The following ANGEL1 variants were observed in gnomAD, a reference collection of about 807,000 sequenced individuals.
ANGEL1 encodes the protein angel homolog 1, also known as RNA 2',3'-cyclic phosphatase ANGEL1.
In ANGEL1, 62 loss-of-function variants were observed where a neutral mutation model predicts 76.4. The ratio of observed to expected loss-of-function variants is 0.81; its 90% CI spans 0.66 to 1.00. The LOEUF is 1.00. Among genes scored for constraint, ANGEL1 ranks in the 50% least tolerant of loss-of-function variants. The pLI is 0.00. For synonymous variants in ANGEL1, 340 were observed against 331.7 expected, an observed-to-expected ratio of 1.03 and a Z score of -0.27; for missense variants, 737 against 836.7, an observed-to-expected ratio of 0.88 and a Z score of 1.47.
At chr14:76,800,157 T>C (rs1406423130) in intron 7 of ANGEL1, among the ~76,000 whole-genome samples, 1 of 152,240 alleles carries the variant, frequency 6.6e-6, no homozygotes, top group Non-Finnish European at 1.5e-5. Flanking sequence ...CTTGGTTTAA[T>C]TTTGTTACTA....
chr14:76,812,720 G>C lies in ANGEL1; in HGVS notation c.64+44C>G, dbSNP rs1369991360. 22 of 1,486,148 alleles carry C rather than the reference G, an allele frequency of 1.5e-5. No homozygotes were observed. The African/African-American group carries it at 2.3e-4, about 16-fold the overall frequency. 92.1% of individuals were successfully genotyped at this position (1,486,148 alleles called of 1,614,324 possible). ...CAGGCCCGCGGAGCCCCGCAGAGGC[G>C]AGCCCTGGCCGGGCTCCTGTCTGTC... On this transcript the variant is annotated intron_variant, in intron 1 of 9. Transcript: ENST00000251089.
In ANGEL1 at chr14:76,789,360, G is replaced by T. The variant is rs763498682; in HGVS notation, c.1881C>A (p.Leu627=). 1.7e-5 allele frequency: 27 copies of T among 1,614,094 alleles called. No homozygotes were observed. The South Asian group carries it at 2.6e-4, about 16-fold the overall frequency. The change falls in exon 10 of 10, where the codon CTC becomes CTA. Residue 627 remains leucine (L), a synonymous_variant. Coordinates refer to ENST00000251089, the MANE Select transcript of ANGEL1 (RefSeq NM_015305.4). Reference sequence around the variant, plus strand: ...GAAGGGAGAGACGACCCAGGAGCTTGAGAGTTCCATCTCGATACAGCCTGT... The same window carrying T: ...GAAGGGAGAGACGACCCAGGAGCTTTAGAGTTCCATCTCGATACAGCCTGT... ...TDHRLYRDGT[L]KLLGRLSLLS...
chr14:76,797,239 CT>C (rs1273269155), intron 7 of ANGEL1, among the ~76,000 whole-genome samples: 1 of 152,192 alleles, frequency 6.6e-6, no homozygotes, highest in Non-Finnish European at 1.5e-5. Flanking sequence ...CTTTCCTGCT[CT>C]TTATGATGTT....
At chr14:76,791,178 G>C in intron 8 of ANGEL1, 119 bp downstream of exon 8, 2 of 1,119,514 alleles carry the variant, frequency 1.8e-6, no homozygotes, top group Non-Finnish European at 2.7e-6. Context: ...GATATTAGGG[G>C]AAAAAGAGCT....
chr14:76,811,069 T>C (rs1895068762), intron 1 of ANGEL1, among the ~76,000 whole-genome samples: 1 of 152,222 alleles, frequency 6.6e-6, no homozygotes. Context: ...CACGGTGATT[T>C]TGCCCTCGGA....
rs1254669850 is a variant in ANGEL1, at chr14:76,804,353, G to A, written c.1381-441C>T. The A allele has an allele frequency of 1.0e-5, 11 of 1,057,014 alleles. No individual in the cohort carries two copies. The Admixed American group carries it at 4.7e-4, about 45-fold the overall frequency. 65.5% of individuals were successfully genotyped at this position (1,057,014 alleles called of 1,614,324 possible). ...GGTAACCACAGGGTCAAACCAAATG[G>A]GAAAGCACCAAAGCACTTTACCGTA... On this transcript the variant is annotated intron_variant, in intron 5 of 9. Coordinates refer to ENST00000251089, the MANE Select transcript of ANGEL1 (RefSeq NM_015305.4).
intron 1 of ANGEL1, among the ~76,000 whole-genome samples, chr14:76,810,569 C>T (rs1461923262): frequency 6.6e-6 from 1 of 152,192 alleles, no homozygotes. Context: ...AGTAGACAGT[C>T]TCAAAAATCT....
rs1895016861 is a variant in ANGEL1 at position 76,809,362 on chromosome 14, C to A, written c.346G>T (p.Asp116Tyr). 1 of 1,614,140 alleles carries A rather than the reference C, an allele frequency of 6.2e-7. No homozygotes were observed. Among genetic ancestry groups the A allele is most frequent in the African/African-American group, 1.3e-5 (1 of 74,948 alleles). ...EDRWSSRQLS[D>Y]LRAAENLDEP... is the part of the protein sequence containing the mutation. ...TCCAGGTTCTCTGCAGCCCGAAGGT[C>A]ACTCAGCTGCCTGCTGGACCACCTG... The change falls in exon 2 of 10, where the codon GAC becomes TAC. Residue 116 changes from aspartate (D) to tyrosine (Y), a missense_variant. Asp to Tyr is a radical substitution (Grantham distance 160). This residue lies in a region of ANGEL1 where 441 missense variants were observed against 449.5 expected (regional missense o/e 0.98). Coordinates refer to ENST00000251089, the MANE Select transcript of ANGEL1 (RefSeq NM_015305.4).
rs148831584 is a variant in ANGEL1 at position 76,805,225 on chromosome 14, T to C, written c.1380+1191A>G. Among the ~76,000 whole-genome samples the C allele has an allele frequency of 1.1e-4, 17 of 152,102 alleles. No homozygotes were observed. In the East Asian group the frequency reaches 3.1e-3, roughly 28 times the overall value. ...TCCCCCATCGTATAGATGAGGCAAA[T>C]GGGGTTCAAAAAAGTTAAGTAATTT... On this transcript the variant is annotated intron_variant, in intron 5 of 9. Coordinates refer to ENST00000251089, the MANE Select transcript of ANGEL1 (RefSeq NM_015305.4).
At chr14:76,794,219 C>A (rs928525764) in intron 7 of ANGEL1, among the ~76,000 whole-genome samples, 5 of 152,064 alleles carry the variant, frequency 3.3e-5, no homozygotes, top group African/African-American at 1.2e-4. Flanking sequence ...GTGATGGTCA[C>A]ACAACCCGGA....
At chr14:76,806,090 C>CT (rs772295865) in intron 5 of ANGEL1, among the ~76,000 whole-genome samples, 2 of 152,106 alleles carry the variant, frequency 1.3e-5, no homozygotes, top group Non-Finnish European at 2.9e-5. Flanking sequence ...TTATGTTACT[C>CT]TAAGAGAATA....
At chr14:76,804,667 T>C (rs1268875299) in intron 5 of ANGEL1, among the ~76,000 whole-genome samples, 2 of 152,226 alleles carry the variant, frequency 1.3e-5, no homozygotes, top group African/African-American at 4.8e-5. Context: ...AATAGCTGTG[T>C]GACTTTTGGC....
At chr14:76,812,405 T>C (rs1384666797) in intron 1 of ANGEL1, 15 of 1,094,712 alleles carry the variant, frequency 1.4e-5, no homozygotes, top group African/African-American at 8.2e-5. Context: ...TCCGAGCTAC[T>C]ACCCCTTCCC....
chr14:76,799,249 A>G (rs560846275), intron 7 of ANGEL1, among the ~76,000 whole-genome samples: 1 of 142,238 alleles, frequency 7.0e-6, no homozygotes, highest in South Asian at 2.3e-4. Flanking sequence ...TCACACACTA[A>G]GATCTCGTTG....
rs1188314282 is a variant in ANGEL1, at chr14:76,789,104, A to G, written c.*124T>C. ...GTCTAACCGTGGGAAAAAGGGAACGAGGAGGGGGAAGGGAGGGGATGTAAG... is the reference window on the plus strand; with the variant it reads ...GTCTAACCGTGGGAAAAAGGGAACGGGGAGGGGGAAGGGAGGGGATGTAAG... On this transcript the variant is annotated 3_prime_UTR_variant, in exon 10 of 10. Coordinates refer to ENST00000251089, the MANE Select transcript of ANGEL1 (RefSeq NM_015305.4). 7.8e-7 allele frequency: 1 copy of G among 1,284,036 alleles called. No individual in the cohort carries two copies. Among genetic ancestry groups the G allele is most frequent in the Non-Finnish European group, 1.1e-6 (1 of 927,588 alleles). The allele number at this position is 1,284,036 out of a possible 1,614,324, so 79.5% of individuals were successfully genotyped here.
Position 76,790,620 on chromosome 14 carries a change from T to C in ANGEL1, c.1843A>G (p.Asn615Asp), listed in dbSNP as rs1255063639. 2 of 1,613,308 alleles carry C rather than the reference T, an allele frequency of 1.2e-6. No homozygotes were observed. The highest frequency in any genetic ancestry group is 1.3e-5 in the African/African-American group (1 of 74,894). Residue 615 changes from asparagine (N) to aspartate (D), a missense_variant, in exon 9 of 10, where the codon AAC becomes GAC. Coordinates refer to ENST00000251089, the MANE Select transcript of ANGEL1 (RefSeq NM_015305.4). ...GATCCATCAGGCTTACCAGTTCTGT[T>C]CCCATTCTCACAGGACTCAGCTGAG... ...FFSAESCENG[N>D]RTDHRLYRDG... is the part of the protein sequence containing the mutation.
intron 7 of ANGEL1, among the ~76,000 whole-genome samples, chr14:76,797,527 G>A (rs530488803): frequency 6.6e-6 from 1 of 152,252 alleles, no homozygotes; most frequent in Non-Finnish European, 1.5e-5. Flanking sequence ...TTGAACCCAG[G>A]AGACAGAGAT....
intron 7 of ANGEL1, among the ~76,000 whole-genome samples, chr14:76,795,684 A>G (rs374406635): frequency 8.6e-4 from 131 of 152,332 alleles, no homozygotes; most frequent in South Asian, 7.2e-3. Context: ...CCCCATGGTC[A>G]TTAGTCTATT....
chr14:76,790,590 C>T (rs1040372416), intron 9 of ANGEL1, 21 bp downstream of exon 9: 1 of 1,598,638 alleles, frequency 6.3e-7, no homozygotes, highest in Non-Finnish European at 8.6e-7. Flanking sequence ...GGTGGAGGAA[C>T]CCAGGATCCA....
Sources: gnomAD v4.1 joint callset for allele counts (sites outside exome capture counted in the v4.1 genomes callset) on GRCh38, gnomAD v4.1.1 for gene constraint, gnomAD v4.1.1 regional missense constraint, MANE v1.5 for transcripts, NCBI Gene and HGNC (gene_info 2026-07-23, HGNC 2026-07-21) for gene names.